PPP1R14C: variants seen among roughly 807,000 people sequenced by gnomAD.
PPP1R14C encodes the protein protein phosphatase 1 regulatory subunit 14C.
In PPP1R14C, 16 loss-of-function variants were observed where a neutral mutation model predicts 20.4. The ratio of observed to expected loss-of-function variants is 0.78; its 90% CI spans 0.53 to 1.19. PPP1R14C has a LOEUF of 1.19. Ranked by LOEUF, PPP1R14C falls within the 50% of genes most tolerant of loss-of-function variation. The pLI is 0.00. For missense variants in PPP1R14C, 211 were observed against 220.1 expected (o/e 0.96, Z 0.26); for synonymous variants, 91 against 91.0 (o/e 1.00, Z 0.00).
intron 1 of PPP1R14C, among the ~76,000 whole-genome samples, chr6:150,204,768 C>T (rs1777923337): frequency 6.6e-6 from 1 of 152,162 alleles, no homozygotes; most frequent in African/African-American, 2.4e-5. Context: ...AAACTCCATG[C>T]TCTGGGCACA....
chr6:150,232,304 T>A (rs1393643422), intron 3 of PPP1R14C, among the ~76,000 whole-genome samples: 1 of 152,224 alleles, frequency 6.6e-6, no homozygotes, highest in Non-Finnish European at 1.5e-5. Flanking sequence ...TTAAGAGTTA[T>A]TTATATATTC....
At chr6:150,247,956 T>C (rs533020956) in intron 3 of PPP1R14C, among the ~76,000 whole-genome samples, 1 of 152,294 alleles carries the variant, frequency 6.6e-6, no homozygotes, top group South Asian at 2.1e-4. Context: ...TAGAGGTTTA[T>C]TTAGCTCACA....
chr6:150,156,024 C>CAAAAAA (rs67908012), intron 1 of PPP1R14C, among the ~76,000 whole-genome samples: 53 of 38,410 alleles, frequency 1.4e-3, no homozygotes, highest in Middle Eastern at 0.031. Flanking sequence ...GACTCTGTCT[C>CAAAAAA]AAAAAAAAAA....
chr6:150,176,546 T>A (rs12191405), intron 1 of PPP1R14C, among the ~76,000 whole-genome samples: 23,149 of 152,270 alleles, frequency 0.15, 1,947 homozygotes, highest in South Asian at 0.3. Context: ...GAGACCTTCC[T>A]TAGCTTATTT....
At chr6:150,236,504 C>T (rs12662622) in intron 3 of PPP1R14C, among the ~76,000 whole-genome samples, 2,545 of 152,026 alleles carry the variant, frequency 0.017, 75 homozygotes, top group East Asian at 0.15. Context: ...CATTGTTTTC[C>T]GTGAGAGGGT....
chr6:150,156,812 T>TA (rs1485325916), intron 1 of PPP1R14C, among the ~76,000 whole-genome samples: 5 of 152,258 alleles, frequency 3.3e-5, no homozygotes, highest in African/African-American at 1.2e-4. Flanking sequence ...TATGTTAAGA[T>TA]ATTCCATTTC....
intron 1 of PPP1R14C, among the ~76,000 whole-genome samples, chr6:150,170,022 A>G (rs2114868226): frequency 6.6e-6 from 1 of 152,306 alleles, no homozygotes; most frequent in East Asian, 1.9e-4. Context: ...ACATCTCAAT[A>G]CGATCAGGAA....
chr6:150,180,566 A>C (rs146979086), intron 1 of PPP1R14C, among the ~76,000 whole-genome samples: 2 of 152,342 alleles, frequency 1.3e-5, no homozygotes, highest in East Asian at 3.9e-4. Flanking sequence ...ATGTGGGTAC[A>C]TCTCATGAGC....
intron 1 of PPP1R14C, among the ~76,000 whole-genome samples, chr6:150,149,444 TTTTTTTTTTTC>T (rs1287537636): frequency 0.02 from 1,229 of 59,984 alleles, 21 homozygotes; most frequent in African/African-American, 0.094. Context: ...TCCCACCTAA[TTTTTTTTTTTC>T]TTTTTTTTTT....
At chr6:150,156,242 C>A (rs971091780) in intron 1 of PPP1R14C, among the ~76,000 whole-genome samples, 2 of 151,952 alleles carry the variant, frequency 1.3e-5, no homozygotes, top group Non-Finnish European at 2.9e-5. Context: ...GTTAGAAACT[C>A]ACTTTAAATA....
intron 1 of PPP1R14C, among the ~76,000 whole-genome samples, chr6:150,156,024 C>CAAAAAAAAAAAAA (rs67908012): frequency 2.2e-3 from 86 of 38,416 alleles, no homozygotes; most frequent in East Asian, 3.4e-3. Context: ...GACTCTGTCT[C>CAAAAAAAAAAAAA]AAAAAAAAAA....
chr6:150,213,713 A>G (rs1778055942), intron 1 of PPP1R14C, among the ~76,000 whole-genome samples: 2 of 152,244 alleles, frequency 1.3e-5, no homozygotes, highest in African/African-American at 4.8e-5. Context: ...AGGTAACAGA[A>G]GAGATGAGAA....
At chr6:150,200,134 A>T (rs1777857993) in intron 1 of PPP1R14C, among the ~76,000 whole-genome samples, 1 of 151,892 alleles carries the variant, frequency 6.6e-6, no homozygotes, top group African/African-American at 2.4e-5. Flanking sequence ...GCATTATTGA[A>T]ACCAGTTGAT....
At chr6:150,191,763 G>A (rs1012923058) in intron 1 of PPP1R14C, among the ~76,000 whole-genome samples, 4 of 152,174 alleles carry the variant, frequency 2.6e-5, no homozygotes, top group African/African-American at 9.7e-5. Flanking sequence ...AGAGTATAGG[G>A]GAAATCTGCG....
chr6:150,164,937 C>G (rs1333109451), intron 1 of PPP1R14C, among the ~76,000 whole-genome samples: 1 of 152,206 alleles, frequency 6.6e-6, no homozygotes, highest in Non-Finnish European at 1.5e-5. Context: ...AGCTCTCTTT[C>G]TCTGCACTCC....
At chr6:150,151,824 A>G (rs75641323) in intron 1 of PPP1R14C, among the ~76,000 whole-genome samples, 162 of 152,322 alleles carry the variant, frequency 1.1e-3, no homozygotes, top group African/African-American at 3.8e-3. Flanking sequence ...GCTCCATTTA[A>G]GAAGTGCTGA....
At chr6:150,229,469 G>A (rs572053463) in intron 3 of PPP1R14C, among the ~76,000 whole-genome samples, 14 of 152,292 alleles carry the variant, frequency 9.2e-5, no homozygotes, top group African/African-American at 3.1e-4. Flanking sequence ...ATTAAATGCT[G>A]TAAGATTGAA....
chr6:150,202,491 G>A (rs755802984), intron 1 of PPP1R14C, among the ~76,000 whole-genome samples: 2 of 152,392 alleles, frequency 1.3e-5, no homozygotes, highest in African/African-American at 2.4e-5. Flanking sequence ...GGGCAGGCCC[G>A]TGTCTTGTCA....
At chr6:150,186,499 T>A (rs1002188512) in intron 1 of PPP1R14C, among the ~76,000 whole-genome samples, 12 of 152,174 alleles carry the variant, frequency 7.9e-5, no homozygotes, top group African/African-American at 2.9e-4. Flanking sequence ...ATTGCATAGG[T>A]GAGCTCCACA....
Sources: gnomAD v4.1 joint callset for allele counts (sites outside exome capture counted in the v4.1 genomes callset) on GRCh38, gnomAD v4.1.1 for gene constraint, MANE v1.5 for transcripts, NCBI Gene and HGNC (gene_info 2026-07-23, HGNC 2026-07-21) for gene names.